KCTD9: variants seen among roughly 807,000 people sequenced by gnomAD.
The protein encoded by KCTD9 is BTB/POZ domain-containing protein KCTD9.
Under a neutral mutation model 53.3 loss-of-function variants are expected in KCTD9, and 17 were observed. That is an observed-to-expected ratio of 0.32 (90% CI 0.22 to 0.48). KCTD9 has a LOEUF of 0.48. KCTD9 is among the 20% of genes least tolerant of loss of function. KCTD9 has a pLI of 0.99. For missense variants in KCTD9, 179 were observed against 465.5 expected (o/e 0.38, Z 5.66); for synonymous variants, 128 against 162.7 (o/e 0.79, Z 1.62).
At chr8:25,449,758 T>C (rs959807405) in intron 1 of KCTD9, among the ~76,000 whole-genome samples, 4 of 152,106 alleles carry the variant, frequency 2.6e-5, no homozygotes, top group Non-Finnish European at 4.4e-5. Flanking sequence ...TGTTACCATA[T>C]TGAATAGCAC....
chr8:25,456,083 C>T (rs1802428418), intron 1 of KCTD9, among the ~76,000 whole-genome samples: 1 of 152,174 alleles, frequency 6.6e-6, no homozygotes, highest in Admixed American at 6.5e-5. Context: ...GCATATAACA[C>T]AGCACCTTGG....
intron 6 of KCTD9, among the ~76,000 whole-genome samples, chr8:25,437,847 C>CAAAAAAAAAAAAAA (rs59540797): frequency 1.6e-5 from 1 of 62,544 alleles, no homozygotes; most frequent in Non-Finnish European, 2.8e-5. Flanking sequence ...GACCCTGTCT[C>CAAAAAAAAAAAAAA]AAAAAAAAAA....
In KCTD9 at chr8:25,436,413, C is replaced by T. The variant is rs1382177629; in HGVS notation, c.567+5G>A. ...TAACACTGGCTAATGTAAAAACAGG[C>T]TTACCTTTATTGCCACTTCTAGGTG... is the stretch of plus-strand genomic sequence containing the variant. On this transcript the variant is annotated splice_donor_5th_base_variant and intron_variant, in intron 7 of 11. Coordinates refer to ENST00000221200, the MANE Select transcript of KCTD9 (RefSeq NM_017634.4). 1.7e-5 allele frequency: 28 copies of T among 1,610,368 alleles called. No homozygotes were observed. The highest frequency in any genetic ancestry group is 2.1e-5 in the Non-Finnish European group (25 of 1,178,516).
chr8:25,447,491 T>G (rs889202414), intron 1 of KCTD9, among the ~76,000 whole-genome samples: 2 of 152,198 alleles, frequency 1.3e-5, no homozygotes, highest in African/African-American at 4.8e-5. Context: ...CCATATGAAG[T>G]GAGCACTAAG....
chr8:25,430,444 G>A (rs1056136319), intron 11 of KCTD9, among the ~76,000 whole-genome samples: 5 of 152,052 alleles, frequency 3.3e-5, no homozygotes, highest in Admixed American at 6.6e-5. Context: ...GCACAGGAGC[G>A]TGAACCCTAT....
At chr8:25,433,211 A>G (rs1801960554) in intron 10 of KCTD9, 119 bp downstream of exon 10, 2 of 462,354 alleles carry the variant, frequency 4.3e-6, no homozygotes. Context: ...AAATATGATG[A>G]CAGAAGAAAC....
chr8:25,433,784 A>C (rs141771411), intron 9 of KCTD9, among the ~76,000 whole-genome samples: 1 of 152,204 alleles, frequency 6.6e-6, no homozygotes, highest in African/African-American at 2.4e-5. Flanking sequence ...CATGACAATG[A>C]AACAGTCAAA....
intron 6 of KCTD9, 152 bp downstream of exon 6, chr8:25,439,127 T>C: frequency 1.7e-6 from 1 of 594,916 alleles, no homozygotes; most frequent in Admixed American, 3.6e-5. Context: ...ATCACTCATA[T>C]ACATGTGAAA....
intron 1 of KCTD9, among the ~76,000 whole-genome samples, chr8:25,453,683 T>C (rs1177381453): frequency 1.3e-5 from 2 of 149,848 alleles, no homozygotes; most frequent in Admixed American, 1.3e-4. Context: ...AATTTAGTTA[T>C]GCATATATAT....
At chr8:25,457,457 G>T in intron 1 of KCTD9, 1 of 767,682 alleles carries the variant, frequency 1.3e-6, no homozygotes, top group Non-Finnish European at 1.6e-6. Flanking sequence ...TTGCTCCAGC[G>T]CTGGAAGAAC....
chr8:25,432,831 A>C (rs976679576), intron 10 of KCTD9, among the ~76,000 whole-genome samples, 194 bp from the exon 11 acceptor site: 1 of 152,176 alleles, frequency 6.6e-6, no homozygotes, highest in African/African-American at 2.4e-5. Flanking sequence ...TGAGGGAAGA[A>C]ATTTAGTTCT....
rs1359171738 is a variant in KCTD9 at position 25,429,346 on chromosome 8, G to A, written c.*511C>T. The A allele has an allele frequency of 1.3e-5, 2 of 154,404 alleles. No individual in the cohort carries two copies. The highest frequency in any genetic ancestry group is 1.3e-4 in the Admixed American group (2 of 15,548). The allele number at this position is 154,404 out of a possible 1,614,324, so 9.6% of individuals were successfully genotyped here. ...TCACCATATTCATACGGTGTGACAG[G>A]TATTTAAAGAGGGGAGGCATCACTA... On this transcript the variant is annotated 3_prime_UTR_variant, in exon 12 of 12. Coordinates refer to ENST00000221200, the MANE Select transcript of KCTD9 (RefSeq NM_017634.4).
rs1205360657 is a variant in KCTD9, at chr8:25,436,085, G to C, written c.663+150C>G. On this transcript the variant is annotated intron_variant, in intron 8 of 11. Coordinates refer to ENST00000221200, the MANE Select transcript of KCTD9 (RefSeq NM_017634.4). ...CATCTCTTTTTCGTTAACCATTTCAGAACTAAATCAATGCTATGACTCATA... is the reference window on the plus strand; with the variant it reads ...CATCTCTTTTTCGTTAACCATTTCACAACTAAATCAATGCTATGACTCATA... 13 of 648,084 alleles carry C rather than the reference G, an allele frequency of 2.0e-5. No individual in the cohort carries two copies. In the Admixed American group the frequency reaches 3.7e-4, roughly 18 times the overall value. The allele number at this position is 648,084 out of a possible 1,614,324, so 40.1% of individuals were successfully genotyped here.
intron 11 of KCTD9, among the ~76,000 whole-genome samples, chr8:25,432,039 T>C (rs767201331): frequency 1.4e-4 from 22 of 152,212 alleles, no homozygotes; most frequent in Non-Finnish European, 1.2e-4. Flanking sequence ...AGTGCTGATA[T>C]AGACCTATCA....
intron 2 of KCTD9, among the ~76,000 whole-genome samples, chr8:25,444,990 C>T (rs932631193): frequency 2.0e-5 from 3 of 152,088 alleles, no homozygotes; most frequent in African/African-American, 7.2e-5. Context: ...TCCTATAGGA[C>T]ATCACAGGAC....
chr8:25,442,096 A>C (rs1225929010), intron 3 of KCTD9, among the ~76,000 whole-genome samples: 2 of 152,214 alleles, frequency 1.3e-5, no homozygotes, highest in Non-Finnish European at 2.9e-5. Flanking sequence ...TAGAGTCCTG[A>C]AAGAAGGAAA....
chr8:25,446,887 A>G (rs1380540950), intron 1 of KCTD9, among the ~76,000 whole-genome samples: 1 of 152,212 alleles, frequency 6.6e-6, no homozygotes, highest in African/African-American at 2.4e-5. Context: ...AGAACAGAGC[A>G]AACAGCTGGG....
chr8:25,458,256 C>T lies in KCTD9; in HGVS notation c.-10G>A, dbSNP rs373396453. 6 of 1,610,480 alleles carry T rather than the reference C, an allele frequency of 3.7e-6. No individual in the cohort carries two copies. Among genetic ancestry groups the T allele is most frequent in the Non-Finnish European group, 5.1e-6 (6 of 1,179,520 alleles). On this transcript the variant is annotated 5_prime_UTR_variant, in exon 1 of 12. Transcript: ENST00000221200. ...GGGTCACCCGCCTCATCGCGCTGCCCCCGCTGGGTCCTGAGTGAGCCGCCA... is the reference window on the plus strand; with the variant it reads ...GGGTCACCCGCCTCATCGCGCTGCCTCCGCTGGGTCCTGAGTGAGCCGCCA...
At chr8:25,450,196 C>T (rs1164080995) in intron 1 of KCTD9, among the ~76,000 whole-genome samples, 1 of 152,170 alleles carries the variant, frequency 6.6e-6, no homozygotes, top group Non-Finnish European at 1.5e-5. Context: ...TAAATATTTT[C>T]TAATCTGGCT....
Sources: allele counts gnomAD v4.1 joint callset (sites outside exome capture counted in the v4.1 genomes callset), GRCh38; gene constraint gnomAD v4.1.1; transcripts MANE v1.5; gene names NCBI Gene and HGNC (gene_info 2026-07-23, HGNC 2026-07-21).